The following FARP2 variants were observed in gnomAD, a reference collection of about 807,000 sequenced individuals.
FARP2 encodes the protein FERM, ARHGEF and pleckstrin domain-containing protein 2.
A neutral mutation model predicts 130.5 loss-of-function variants in FARP2; 111 were observed. The ratio of observed to expected loss-of-function variants is 0.85; its 90% CI spans 0.73 to 1.00. The LOEUF (loss-of-function observed/expected upper bound fraction) is 1.00, where lower values mean the gene tolerates loss of function less well. FARP2 is among the 50% of genes least tolerant of loss of function. The pLI is 0.00. For missense variants in FARP2, 1,385 were observed against 1,346.3 expected (o/e 1.03, Z -0.45); for synonymous variants, 504 against 516.9 (o/e 0.98, Z 0.34).
intron 18 of FARP2, among the ~76,000 whole-genome samples, chr2:241,471,998 TGTTATGTGGGGAACCTGTTTTCTGGGAAC>T (rs2124836871): frequency 7.3e-6 from 1 of 136,950 alleles, no homozygotes; most frequent in Admixed American, 9.2e-5. Context: ...GAGGAGAACC[TGTTATGTGGGGAACCTGTTTTCTGGGAAC>T]ACTGTTCTGA....
rs1179771178 is a variant in FARP2 at position 241,413,475 on chromosome 2, AGT to A, written c.623+59_623+60del. On this transcript the variant is annotated intron_variant, in intron 7 of 26. Coordinates refer to ENST00000264042, the MANE Select transcript of FARP2 (RefSeq NM_014808.4). ...ATTGTCACCACAGTAATGACTAAAG[AGT>A]GTGTAACGAGAAAGGACTGTTGTCG... 1.8e-5 allele frequency: 22 copies of A among 1,214,304 alleles called. No homozygotes were observed. The African/African-American group carries it at 2.8e-4, about 16-fold the overall frequency. The allele number at this position is 1,214,304 out of a possible 1,614,324, so 75.2% of individuals were successfully genotyped here. A position where few individuals can be genotyped will look rare whatever the true frequency, so the allele number is the denominator to read the frequency against.
rs1329520061 is a variant in FARP2 at position 241,427,406 on chromosome 2, C to T, written c.772-4273C>T. 4.6e-5 allele frequency among the ~76,000 whole-genome samples: 7 copies of T among 152,252 alleles called. No individual in the cohort carries two copies. In the South Asian group the frequency reaches 1.0e-3, roughly 23 times the overall value. On this transcript the variant is annotated intron_variant, in intron 8 of 26. Coordinates refer to ENST00000264042, the MANE Select transcript of FARP2 (RefSeq NM_014808.4). ...CAGCGTGGTAGCTCAAGCCTGTAAT[C>T]CCAGCACTTTGGAAGGTCAAGGCAA...
At chr2:241,358,181 T>C (rs1255252699) in intron 1 of FARP2, among the ~76,000 whole-genome samples, 1 of 152,146 alleles carries the variant, frequency 6.6e-6, no homozygotes, top group African/African-American at 2.4e-5. Flanking sequence ...AGAGCGAGAC[T>C]CTGTCTCAAA....
intron 1 of FARP2, among the ~76,000 whole-genome samples, 200 bp downstream of exon 1, chr2:241,356,588 C>T (rs888296069): frequency 6.6e-5 from 10 of 152,054 alleles, no homozygotes; most frequent in Non-Finnish European, 1.5e-4. Context: ...GAGGAGCGTC[C>T]GTCTGTAGGG....
In FARP2 at chr2:241,494,040, C is replaced by A; in HGVS notation, c.3080C>A (p.Ser1027Ter). ...GAGGTGATCCAGGGGGCCAGCAGCTCAGCCGGGAGGGCCCCAAGCATCGTG... is the reference window on the plus strand; with the variant it reads ...GAGGTGATCCAGGGGGCCAGCAGCTAAGCCGGGAGGGCCCCAAGCATCGTG... ...WMEVIQGASS[S>*]AGRAPSIVQD... Residue 1027 changes from serine (S) to a stop codon, truncating the protein, a stop_gained, in exon 27 of 27, where the codon TCA becomes TAA. Transcript: ENST00000264042. LOFTEE classifies it low-confidence loss of function (END_TRUNC). The surrounding 1 kb of genome is among the most constrained non-coding windows in gnomAD (Gnocchi z 4.9). 7.1e-7 allele frequency: 1 copy of A among 1,410,550 alleles called. No homozygotes were observed. Among genetic ancestry groups the A allele is most frequent in the Non-Finnish European group, 9.3e-7 (1 of 1,080,918 alleles). The allele number at this position is 1,410,550 out of a possible 1,614,324, so 87.4% of individuals were successfully genotyped here. A position where few individuals can be genotyped will look rare whatever the true frequency, so the allele number is the denominator to read the frequency against.
intron 1 of FARP2, among the ~76,000 whole-genome samples, chr2:241,370,009 G>A (rs897257912): frequency 2.6e-5 from 4 of 152,184 alleles, no homozygotes; most frequent in African/African-American, 9.6e-5. Flanking sequence ...CTGAAAAAAA[G>A]TGATGGTTAC....
intron 13 of FARP2, among the ~76,000 whole-genome samples, chr2:241,448,479 CG>C (rs1453144911): frequency 6.6e-6 from 1 of 152,154 alleles, no homozygotes; most frequent in African/African-American, 2.4e-5. Flanking sequence ...AGTTTGTTTT[CG>C]GGACCTTGCC....
intron 1 of FARP2, among the ~76,000 whole-genome samples, chr2:241,361,118 T>C (rs968001194): frequency 6.6e-6 from 1 of 152,188 alleles, no homozygotes; most frequent in African/African-American, 2.4e-5. Flanking sequence ...GCTTATATTT[T>C]AGCACGTCTG....
chr2:241,435,893 T>C (rs2063215181), intron 11 of FARP2, among the ~76,000 whole-genome samples: 1 of 150,214 alleles, frequency 6.7e-6, no homozygotes. Context: ...TATATATTTT[T>C]ACATAGTATA....
intron 16 of FARP2, 74 bp downstream of exon 16, chr2:241,463,542 C>A: frequency 6.6e-7 from 1 of 1,525,590 alleles, no homozygotes; most frequent in Non-Finnish European, 8.8e-7. Flanking sequence ...AACTTCCCAG[C>A]TTCAGAAACT....
intron 4 of FARP2, among the ~76,000 whole-genome samples, chr2:241,406,343 GA>G (rs1038419541): frequency 2.0e-4 from 31 of 151,342 alleles, no homozygotes; most frequent in Admixed American, 1.3e-3. Context: ...ATAAACTGGG[GA>G]AAAAATGTCT....
Position 241,402,766 on chromosome 2 carries a change from A to G in FARP2, c.184-1062A>G, listed in dbSNP as rs1287059633. Among the ~76,000 whole-genome samples, 5 of 139,112 alleles carry G rather than the reference A, an allele frequency of 3.6e-5. No individual in the cohort carries two copies. The East Asian group carries it at 1.1e-3, about 30-fold the overall frequency. 91.3% of individuals were successfully genotyped at this position (139,112 alleles called of 152,430 possible). A position where few individuals can be genotyped will look rare whatever the true frequency, so the allele number is the denominator to read the frequency against. On this transcript the variant is annotated intron_variant, in intron 2 of 26. Coordinates refer to ENST00000264042, the MANE Select transcript of FARP2 (RefSeq NM_014808.4). Reference sequence around the variant, plus strand: ...ACTGCAACCTCTGCCTCCTGGGCTCAGGTGATCCTCCCACCTCAGCCTCCT... The same window carrying G: ...ACTGCAACCTCTGCCTCCTGGGCTCGGGTGATCCTCCCACCTCAGCCTCCT...
chr2:241,407,541 A>G lies in FARP2; in HGVS notation c.336A>G (p.Pro112=), dbSNP rs2062393262. The G allele has an allele frequency of 6.2e-7, 1 of 1,613,620 alleles. No homozygotes were observed. The highest frequency in any genetic ancestry group is 8.5e-7 in the Non-Finnish European group (1 of 1,179,644). Residue 112 remains proline (P), a synonymous_variant, in exon 5 of 27, where the codon CCA becomes CCG. Coordinates refer to ENST00000264042, the MANE Select transcript of FARP2 (RefSeq NM_014808.4). ...MKPIIRQIRR[P]KNVVLRLAVK... is the part of the protein sequence containing the mutation. The stretch of plus-strand genomic sequence containing the variant: ...GTTTAAATTTTTTTGTTATAGGGCC[A>G]AAGAATGTGGTGCTTCGCCTAGCTG...
intron 26 of FARP2, 96 bp downstream of exon 26, chr2:241,493,540 C>G: frequency 8.5e-7 from 1 of 1,172,794 alleles, no homozygotes; most frequent in Non-Finnish European, 1.3e-6. Flanking sequence ...TTTTCTGGGC[C>G]CTGGAAAGGA....
At chr2:241,391,552 G>A (rs534257090) in intron 2 of FARP2, among the ~76,000 whole-genome samples, 15 of 152,184 alleles carry the variant, frequency 9.9e-5, no homozygotes, top group Non-Finnish European at 1.6e-4. Flanking sequence ...TTGTATTCTC[G>A]GGCCCACCTT....
intron 19 of FARP2, among the ~76,000 whole-genome samples, chr2:241,477,117 A>T (rs994010869): frequency 4.4e-5 from 6 of 135,056 alleles, no homozygotes; most frequent in Admixed American, 8.0e-5. Flanking sequence ...AGGTTCATTC[A>T]TGTTCCTTTT....
In FARP2 at chr2:241,433,129, TA is replaced by T. The variant is rs56707238; in HGVS notation, c.868-1016del. ...AGTAAAAGCTGTTTTACTCTGTAAG[TA>T]AAAAAAAAAAAAGTTTCCTGCAGTT... On this transcript the variant is annotated intron_variant, in intron 9 of 26. Coordinates refer to ENST00000264042, the MANE Select transcript of FARP2 (RefSeq NM_014808.4). Among the ~76,000 whole-genome samples the T allele has an allele frequency of 6.6e-3, 951 of 143,370 alleles. 3 individuals are homozygous for T. The highest frequency in any genetic ancestry group is 0.018 in the African/African-American group (704 of 39,048). The allele number at this position is 143,370 out of a possible 152,430, so 94.1% of individuals were successfully genotyped here. A position where few individuals can be genotyped will look rare whatever the true frequency, so the allele number is the denominator to read the frequency against.
At position 241,485,462 on chromosome 2, in the gene FARP2, G is replaced by T. The variant is rs181398903; in HGVS notation, c.2421+1131G>T. On this transcript the variant is annotated intron_variant, in intron 21 of 26. Transcript: ENST00000264042. ...TCCTAGAGTCCTCCCTCCCTCCCTG[G>T]GATCTTCCCTCCATCGGCTTCTCCC... Among the ~76,000 whole-genome samples the T allele has an allele frequency of 8.2e-5, 11 of 133,742 alleles. No homozygotes were observed. In the East Asian group the frequency reaches 9.7e-4, roughly 12 times the overall value. The allele number at this position is 133,742 out of a possible 152,430, so 87.7% of individuals were successfully genotyped here.
chr2:241,432,566 A>G (rs1490988638), intron 9 of FARP2, among the ~76,000 whole-genome samples: 2 of 152,252 alleles, frequency 1.3e-5, no homozygotes, highest in Non-Finnish European at 2.9e-5. Flanking sequence ...TCATTCAGAA[A>G]TTGATCTTTG....
Sources: allele counts gnomAD v4.1 joint callset (sites outside exome capture counted in the v4.1 genomes callset), GRCh38; gene constraint gnomAD v4.1.1; non-coding constraint Gnocchi (gnomAD v3.1); transcripts MANE v1.5; gene names NCBI Gene and HGNC (gene_info 2026-07-23, HGNC 2026-07-21).